Variants in SLC35F1 observed in about 807,000 individuals in gnomAD.
SLC35F1 encodes the protein solute carrier family 35 member F1.
SLC35F1 carries 14 observed loss-of-function variants against 48.7 expected under a neutral mutation model. That is an observed-to-expected ratio of 0.29 (90% CI 0.19 to 0.45). The LOEUF is 0.45. SLC35F1 is among the 20% of genes least tolerant of loss of function. The pLI is 1.00. For synonymous variants in SLC35F1, 190 were observed against 202.2 expected, an observed-to-expected ratio of 0.94 and a Z score of 0.51; for missense variants, 404 against 500.0, an observed-to-expected ratio of 0.81 and a Z score of 1.83.
chr6:117,998,189 T>G (rs1777029384), intron 1 of SLC35F1, among the ~76,000 whole-genome samples: 1 of 148,498 alleles, frequency 6.7e-6, no homozygotes, highest in South Asian at 2.2e-4. Context: ...GGCCATTACA[T>G]AATGGTAAAG....
chr6:117,966,137 C>CT (rs935773480), intron 1 of SLC35F1, among the ~76,000 whole-genome samples: 1 of 141,794 alleles, frequency 7.1e-6, no homozygotes, highest in Non-Finnish European at 1.6e-5. Context: ...CACCGCCCCC[C>CT]CCCCCACTCC....
chr6:118,255,429 C>A (rs562815040), intron 3 of SLC35F1, among the ~76,000 whole-genome samples: 3 of 152,280 alleles, frequency 2.0e-5, no homozygotes, highest in African/African-American at 7.2e-5. Context: ...ACCCGATGAT[C>A]CTCAACAAGG....
chr6:118,240,342 G>T (rs1775421001), intron 3 of SLC35F1, among the ~76,000 whole-genome samples: 1 of 152,178 alleles, frequency 6.6e-6, no homozygotes, highest in South Asian at 2.1e-4. Flanking sequence ...AAAGTGGAGA[G>T]GATAAAATGT....
At chr6:118,226,996 A>T (rs1198898043) in intron 2 of SLC35F1, among the ~76,000 whole-genome samples, 1 of 152,232 alleles carries the variant, frequency 6.6e-6, no homozygotes, top group African/African-American at 2.4e-5. Flanking sequence ...TAAATTAATT[A>T]AAAAGTGACA....
At chr6:118,013,788 T>C (rs1370416791) in intron 1 of SLC35F1, among the ~76,000 whole-genome samples, 1 of 152,174 alleles carries the variant, frequency 6.6e-6, no homozygotes, top group Non-Finnish European at 1.5e-5. Flanking sequence ...GGCTCTGGGG[T>C]GGACAAATCC....
chr6:117,923,598 T>TATATATAC (rs1415995469), intron 1 of SLC35F1, among the ~76,000 whole-genome samples: 3 of 6,048 alleles, frequency 5.0e-4, no homozygotes, highest in Non-Finnish European at 1.2e-3. Context: ...TATACATATG[T>TATATATAC]GTATATATAC....
chr6:118,267,849 G>A (rs1775794486), intron 4 of SLC35F1, among the ~76,000 whole-genome samples: 1 of 152,100 alleles, frequency 6.6e-6, no homozygotes, highest in South Asian at 2.1e-4. Context: ...AGTCAGGGTG[G>A]TTTCCAGAAG....
intron 2 of SLC35F1, among the ~76,000 whole-genome samples, chr6:118,221,217 C>A (rs541324155): frequency 1.4e-3 from 206 of 152,250 alleles, no homozygotes; most frequent in African/African-American, 4.6e-3. Context: ...GCTACCCCAA[C>A]AAAAGGTCCT....
At chr6:117,953,719 CAG>C (rs1776392146) in intron 1 of SLC35F1, among the ~76,000 whole-genome samples, 1 of 152,118 alleles carries the variant, frequency 6.6e-6, no homozygotes, top group African/African-American at 2.4e-5. Flanking sequence ...GTGAATGTTC[CAG>C]AGTCCCCAAG....
intron 1 of SLC35F1, among the ~76,000 whole-genome samples, chr6:118,153,186 T>C (rs1774088592): frequency 6.6e-6 from 1 of 152,218 alleles, no homozygotes; most frequent in Admixed American, 6.5e-5. Flanking sequence ...GGAGTAAATA[T>C]GTAACACCGC....
At chr6:118,154,012 G>A (rs184547085) in intron 1 of SLC35F1, among the ~76,000 whole-genome samples, 50 of 152,232 alleles carry the variant, frequency 3.3e-4, no homozygotes, top group Admixed American at 3.1e-3. Context: ...CTGAGGATGA[G>A]GTGGGAATAT....
intron 1 of SLC35F1, among the ~76,000 whole-genome samples, chr6:118,153,623 A>G (rs911791709): frequency 6.6e-6 from 1 of 152,178 alleles, no homozygotes; most frequent in Non-Finnish European, 1.5e-5. Flanking sequence ...TTGCGAGGGC[A>G]TTTTATTTGT....
intron 1 of SLC35F1, among the ~76,000 whole-genome samples, chr6:118,089,159 A>G (rs1773035756): frequency 6.6e-6 from 1 of 152,182 alleles, no homozygotes; most frequent in Non-Finnish European, 1.5e-5. Flanking sequence ...AGAGGACCCT[A>G]GAACTCTGGC....
chr6:118,053,068 A>T (rs974658176), intron 1 of SLC35F1, among the ~76,000 whole-genome samples: 1 of 151,866 alleles, frequency 6.6e-6, no homozygotes, highest in Non-Finnish European at 1.5e-5. Context: ...TACTGTGAAG[A>T]GCCTCATTTT....
chr6:118,298,018 T>G (rs1024866344), intron 7 of SLC35F1, among the ~76,000 whole-genome samples: 1 of 151,990 alleles, frequency 6.6e-6, no homozygotes, highest in Non-Finnish European at 1.5e-5. Flanking sequence ...ACTTCCTCCC[T>G]GCTCTCTTGC....
At chr6:118,107,180 A>G (rs1271703305) in intron 1 of SLC35F1, among the ~76,000 whole-genome samples, 1 of 152,128 alleles carries the variant, frequency 6.6e-6, no homozygotes, top group East Asian at 1.9e-4. Context: ...GTTTAAATGA[A>G]TGGATGCATA....
chr6:118,248,065 A>G (rs1463832365), intron 3 of SLC35F1, among the ~76,000 whole-genome samples: 3 of 152,184 alleles, frequency 2.0e-5, no homozygotes, highest in Non-Finnish European at 2.9e-5. Context: ...TATGTTTTTG[A>G]GTGATGAAAG....
chr6:118,250,539 T>A lies in SLC35F1; in HGVS notation c.477+14903T>A, dbSNP rs73530040. On this transcript the variant is annotated intron_variant, in intron 3 of 7. Coordinates refer to ENST00000360388, the MANE Select transcript of SLC35F1 (RefSeq NM_001029858.4). The stretch of plus-strand genomic sequence containing the variant: ...AATACAATTAGGTAATACAGAGACG[T>A]ATGGGAGCCCCTCAGGGGGCACCTA... 9.9e-3 allele frequency among the ~76,000 whole-genome samples: 1,509 copies of A among 152,266 alleles called. 27 individuals carry two copies. Among genetic ancestry groups the A allele is most frequent in the African/African-American group, 0.035 (1,435 of 41,558 alleles).
At chr6:118,023,987 A>G (rs530102032) in intron 1 of SLC35F1, among the ~76,000 whole-genome samples, 29 of 152,236 alleles carry the variant, frequency 1.9e-4, no homozygotes, top group Non-Finnish European at 3.8e-4. Flanking sequence ...ATTAACTCCC[A>G]TCCCCATTTC....
Sources: allele counts gnomAD v4.1 joint callset (sites outside exome capture counted in the v4.1 genomes callset), GRCh38; gene constraint gnomAD v4.1.1; transcripts MANE v1.5; gene names NCBI Gene and HGNC (gene_info 2026-07-23, HGNC 2026-07-21).